The following NEDD4 variants were observed in gnomAD, a reference collection of about 807,000 sequenced individuals.
NEDD4 encodes E3 ubiquitin-protein ligase NEDD4.
NEDD4 carries 99 observed loss-of-function variants against 144.9 expected under a neutral mutation model. The ratio of observed to expected loss-of-function variants is 0.68; its 90% CI spans 0.58 to 0.81. NEDD4 has a LOEUF of 0.81. Ranked by LOEUF, NEDD4 falls within the 30% of genes least tolerant of loss-of-function variation. The pLI, the probability that NEDD4 is intolerant of heterozygous loss-of-function variation, is 0.00. For missense variants in NEDD4, 985 were observed against 1,065.9 expected (o/e 0.92, Z 1.06); for synonymous variants, 318 against 350.6 (o/e 0.91, Z 1.04).
chr15:55,981,948 G>A (rs1291275109), intron 1 of NEDD4, among the ~76,000 whole-genome samples: 1 of 152,152 alleles, frequency 6.6e-6, no homozygotes, highest in Non-Finnish European at 1.5e-5. Context: ...TAATTTCTAA[G>A]AAAGAACAAC....
At chr15:55,964,650 GGTGTGTGT>G (rs60902586) in intron 2 of NEDD4, among the ~76,000 whole-genome samples, 19,730 of 144,334 alleles carry the variant, frequency 0.14, 1,430 homozygotes, top group East Asian at 0.32. Context: ...TTTTGCTGCT[GGTGTGTGT>G]GTGTGTGTGT....
intron 5 of NEDD4, among the ~76,000 whole-genome samples, chr15:55,884,635 G>A (rs1238100640): frequency 1.3e-5 from 2 of 151,862 alleles, no homozygotes; most frequent in African/African-American, 2.4e-5. Flanking sequence ...AGAAATTCTG[G>A]AGCTGAAAAA....
At position 55,906,644 on chromosome 15, in the gene NEDD4, C is replaced by A. The variant is rs112771508; in HGVS notation, c.291+18002G>T. ...CCGGGGCCTGTTGTGGGGTGGGGGG[C>A]TGGGGGAGGGATAGCATTAGGTGAT... On this transcript the variant is annotated intron_variant, in intron 5 of 28. Coordinates refer to ENST00000435532, the MANE Select transcript of NEDD4 (RefSeq NM_006154.4). Among the ~76,000 whole-genome samples the A allele has an allele frequency of 4.1e-4, 53 of 130,768 alleles. 1 individual carries two copies. Among genetic ancestry groups the A allele is most frequent in the African/African-American group, 6.1e-4 (21 of 34,290 alleles). 85.8% of individuals were successfully genotyped at this position (130,768 alleles called of 152,430 possible).
At position 55,838,613 on chromosome 15, in the gene NEDD4, G is replaced by A; in HGVS notation, c.2032-9C>T. On this transcript the variant is annotated splice_polypyrimidine_tract_variant and intron_variant, in intron 21 of 28. Coordinates refer to ENST00000435532, the MANE Select transcript of NEDD4 (RefSeq NM_006154.4). ...TTGTAATATTCACTATCCTAGATGG[G>A]AAAAATTACATATTTAAAATTTGTA... 6.4e-7 allele frequency: 1 copy of A among 1,570,818 alleles called. No homozygotes were observed. The highest frequency in any genetic ancestry group is 8.7e-7 in the Non-Finnish European group (1 of 1,143,520).
chr15:55,940,440 T>C (rs932851375), intron 4 of NEDD4, among the ~76,000 whole-genome samples: 3 of 152,064 alleles, frequency 2.0e-5, no homozygotes, highest in Non-Finnish European at 4.4e-5. Flanking sequence ...TTAAATGGCT[T>C]ATTTTTCTCA....
At position 55,860,724 on chromosome 15, in the gene NEDD4, T is replaced by C; in HGVS notation, c.729A>G (p.Ala243=). Residue 243 remains alanine, a synonymous_variant, in exon 10 of 29, where the codon GCA becomes GCG. Coordinates refer to ENST00000435532, the MANE Select transcript of NEDD4 (RefSeq NM_006154.4). ...CGGATATCTGCCGCCTGGTGGTAAA[T>C]GCACGTTGTGCTTGCAGTTGAATGT... The part of the protein sequence containing the change: ...NGNIQLQAQR[A]FTTRRQISEE... 3.7e-6 allele frequency: 6 copies of C among 1,614,214 alleles called. No homozygotes were observed. The highest frequency in any genetic ancestry group is 5.1e-6 in the Non-Finnish European group (6 of 1,180,024).
intron 5 of NEDD4, among the ~76,000 whole-genome samples, chr15:55,884,891 G>T (rs1399055275): frequency 1.3e-5 from 2 of 152,114 alleles, no homozygotes; most frequent in Non-Finnish European, 1.5e-5. Context: ...TTTACTCAAA[G>T]GGATAATAAC....
chr15:55,960,156 C>T (rs1038714728), intron 2 of NEDD4, among the ~76,000 whole-genome samples: 1 of 152,198 alleles, frequency 6.6e-6, no homozygotes, highest in Non-Finnish European at 1.5e-5. Context: ...AAATAAGCCA[C>T]AGTAACCACC....
intron 1 of NEDD4, among the ~76,000 whole-genome samples, chr15:55,986,007 G>C (rs1210092579): frequency 6.6e-6 from 1 of 152,160 alleles, no homozygotes; most frequent in Non-Finnish European, 1.5e-5. Flanking sequence ...TTGTTACGAA[G>C]ACCTAGGAAC....
At chr15:55,936,825 T>C (rs1254087271) in intron 4 of NEDD4, among the ~76,000 whole-genome samples, 1 of 151,090 alleles carries the variant, frequency 6.6e-6, no homozygotes, top group Non-Finnish European at 1.5e-5. Context: ...AGAGTTTCAC[T>C]CTTGTCACCC....
At chr15:55,978,279 A>G (rs550826654) in intron 1 of NEDD4, among the ~76,000 whole-genome samples, 1 of 152,316 alleles carries the variant, frequency 6.6e-6, no homozygotes, top group African/African-American at 2.4e-5. Flanking sequence ...CCAACACAAA[A>G]ATCAGAACTA....
At chr15:55,838,241 A>G in intron 22 of NEDD4, 61 bp from the exon 23 acceptor site, 2 of 1,175,098 alleles carry the variant, frequency 1.7e-6, no homozygotes, top group East Asian at 2.5e-5. Context: ...AAAAGTATAC[A>G]TATTGTAGTT....
chr15:55,832,187 A>G (rs1401260362), intron 27 of NEDD4, among the ~76,000 whole-genome samples: 7 of 152,036 alleles, frequency 4.6e-5, no homozygotes, highest in African/African-American at 1.7e-4. Flanking sequence ...TCTTGAAAAA[A>G]AAAAAAAAAA....
At chr15:55,906,227 T>C (rs2036088281) in intron 5 of NEDD4, among the ~76,000 whole-genome samples, 1 of 152,234 alleles carries the variant, frequency 6.6e-6, no homozygotes, top group Non-Finnish European at 1.5e-5. Flanking sequence ...AGTGTGGCGA[T>C]TCCTCACGGA....
chr15:55,830,554 GTT>G lies in NEDD4; in HGVS notation c.2558_2559del (p.Glu853AlafsTer6). 6.2e-7 allele frequency: 1 copy of G among 1,614,100 alleles called. No individual in the cohort carries two copies. Among genetic ancestry groups the G allele is most frequent in the Non-Finnish European group, 8.5e-7 (1 of 1,179,974 alleles). On this transcript the variant is annotated frameshift_variant, in exon 28 of 29. Coordinates refer to ENST00000435532, the MANE Select transcript of NEDD4 (RefSeq NM_006154.4). LOFTEE classifies it high-confidence loss of function. ...GSNGPQSFTV[E>X]QWGTPEKLPR... ...GGCAGCTTTTCAGGAGTACCCCACT[GTT>G]CAACTGTAAATGACTGTGGTCCATT...
chr15:55,869,448 T>A (rs2034695870), intron 8 of NEDD4, 131 bp downstream of exon 8: 2 of 594,720 alleles, frequency 3.4e-6, no homozygotes, highest in East Asian at 5.7e-5. Context: ...AATGCTTGGG[T>A]GAAATAAACA....
intron 5 of NEDD4, among the ~76,000 whole-genome samples, chr15:55,908,494 T>C (rs2036171389): frequency 6.6e-6 from 1 of 152,218 alleles, no homozygotes; most frequent in Non-Finnish European, 1.5e-5. Flanking sequence ...GACTTTGAAC[T>C]GTATTACTGT....
At chr15:55,899,750 T>C (rs1014241552) in intron 5 of NEDD4, among the ~76,000 whole-genome samples, 3 of 152,230 alleles carry the variant, frequency 2.0e-5, no homozygotes, top group African/African-American at 7.2e-5. Context: ...TCTGTACTGA[T>C]GGAAATGTTC....
chr15:55,993,469 A>G (rs2038022093), intron 1 of NEDD4, 42 bp downstream of exon 1: 2 of 1,588,268 alleles, frequency 1.3e-6, no homozygotes, highest in East Asian at 2.4e-5. Context: ...CTGCTGAATA[A>G]CCCGAAGGGA....
Sources: gnomAD v4.1 joint callset for allele counts (sites outside exome capture counted in the v4.1 genomes callset) on GRCh38, gnomAD v4.1.1 for gene constraint, MANE v1.5 for transcripts, NCBI Gene and HGNC (gene_info 2026-07-23, HGNC 2026-07-21) for gene names.